DMXL2: variants seen among roughly 807,000 people sequenced by gnomAD.
DMXL2 encodes the protein Dmx like 2.
In DMXL2, 103 loss-of-function variants were observed where a neutral mutation model predicts 331.1. The observed-to-expected ratio is 0.31, with a 90% CI of 0.27 to 0.37. DMXL2 has a LOEUF of 0.37. DMXL2 is among the 10% of genes least tolerant of loss of function. The probability of loss-of-function intolerance (pLI) is 1.00; values close to 1 mark genes in which losing one functional copy is unlikely to be tolerated. For synonymous variants in DMXL2, 1,281 were observed against 1,252.1 expected (o/e 1.02, Z -0.49); for missense variants, 3,171 against 3,642.9 (o/e 0.87, Z 3.33).
rs764572727 is a variant in DMXL2, at chr15:51,471,216, T to C, written c.7392+7A>G. 6.2e-7 allele frequency: 1 copy of C among 1,612,902 alleles called. No homozygotes were observed. Among genetic ancestry groups the C allele is most frequent in the Non-Finnish European group, 8.5e-7 (1 of 1,179,182 alleles). ...CTCTTAAAGCTTGCATTCCTCACACTCCTTACCTTTGCAACAAAATAATCC... is the reference window on the plus strand; with the variant it reads ...CTCTTAAAGCTTGCATTCCTCACACCCCTTACCTTTGCAACAAAATAATCC... On this transcript the variant is annotated splice_region_variant and intron_variant, in intron 29 of 43. Transcript: ENST00000560891.
chr15:51,510,693 T>G (rs760834829), intron 15 of DMXL2, among the ~76,000 whole-genome samples: 2 of 151,966 alleles, frequency 1.3e-5, no homozygotes, highest in Non-Finnish European at 2.9e-5. Flanking sequence ...AAAAAAACAC[T>G]TTAAATTTCA....
Position 51,571,109 on chromosome 15 carries a change from A to C in DMXL2, c.214-2551T>G, listed in dbSNP as rs574960760. Among the ~76,000 whole-genome samples the C allele has an allele frequency of 2.6e-5, 4 of 152,342 alleles. No homozygotes were observed. The East Asian group carries it at 7.7e-4, about 29-fold the overall frequency. On this transcript the variant is annotated intron_variant, in intron 2 of 43. Transcript: ENST00000560891. ...GAGGAAGATTTACCAAGAAAATGGA[A>C]AGCAAAAAAAAGCAGGGGTTGCAAT... is the stretch of plus-strand genomic sequence containing the variant.
chr15:51,484,622 T>C (rs1363678358), intron 23 of DMXL2, among the ~76,000 whole-genome samples: 1 of 151,900 alleles, frequency 6.6e-6, no homozygotes, highest in African/African-American at 2.4e-5. Flanking sequence ...GCCAGATACA[T>C]AGAAATCAAT....
At chr15:51,616,827 C>G (rs1232705396) in intron 1 of DMXL2, among the ~76,000 whole-genome samples, 1 of 151,594 alleles carries the variant, frequency 6.6e-6, no homozygotes, top group African/African-American at 2.4e-5. Flanking sequence ...ATTCCAGCTA[C>G]TCAGGAGGCT....
chr15:51,573,989 T>C (rs945057565), intron 2 of DMXL2, among the ~76,000 whole-genome samples: 1 of 151,972 alleles, frequency 6.6e-6, no homozygotes, highest in Non-Finnish European at 1.5e-5. Context: ...ATAAAATCTA[T>C]GAGAAAAGCA....
chr15:51,620,856 T>C (rs900480885), intron 1 of DMXL2, among the ~76,000 whole-genome samples: 1 of 152,166 alleles, frequency 6.6e-6, no homozygotes, highest in African/African-American at 2.4e-5. Flanking sequence ...GCACTAACAG[T>C]TCTTACACAG....
At position 51,536,673 on chromosome 15, in the gene DMXL2, T is replaced by C. The variant is rs374643669; in HGVS notation, c.1807A>G (p.Met603Val). Residue 603 changes from methionine to valine, a missense_variant, in exon 12 of 44, where the codon ATG (methionine) becomes GTG (valine). Met to Val is a conservative substitution (Grantham distance 21, BLOSUM62 1). Transcript: ENST00000560891. Reference sequence around the variant, plus strand: ...ATTACTGTGGGAGCTAAGATGTTCATATGTGTACTGTGGGATCTAGAGTGT... The same window carrying C: ...ATTACTGTGGGAGCTAAGATGTTCACATGTGTACTGTGGGATCTAGAGTGT... ...QPHSRSHSTH[M>V]NILAPTVMMI... 16 of 1,614,012 alleles carry C rather than the reference T, an allele frequency of 9.9e-6. No individual in the cohort carries two copies. The highest frequency in any genetic ancestry group is 1.3e-5 in the Non-Finnish European group (15 of 1,180,004).
At chr15:51,601,222 C>T (rs1431851548) in intron 1 of DMXL2, among the ~76,000 whole-genome samples, 2 of 140,466 alleles carry the variant, frequency 1.4e-5, no homozygotes, top group African/African-American at 2.6e-5. Context: ...ACCTGGGAGG[C>T]GGAGCTTGCA....
intron 17 of DMXL2, among the ~76,000 whole-genome samples, chr15:51,501,647 C>T (rs1000290883): frequency 9.2e-5 from 14 of 152,294 alleles, no homozygotes; most frequent in Admixed American, 6.5e-4. Flanking sequence ...ATTGGCTGGG[C>T]GCGGTGGCTC....
chr15:51,451,737 AT>A, intron 41 of DMXL2, 40 bp from the exon 42 acceptor site: 1 of 1,547,136 alleles, frequency 6.5e-7, no homozygotes, highest in Non-Finnish European at 8.9e-7. Flanking sequence ...ATCATAAATG[AT>A]TGTTATAAGT....
At chr15:51,595,401 A>C (rs2141271975) in intron 1 of DMXL2, among the ~76,000 whole-genome samples, 1 of 152,310 alleles carries the variant, frequency 6.6e-6, no homozygotes, top group Non-Finnish European at 1.5e-5. Context: ...ACTACAAACC[A>C]CTGCTCAATG....
chr15:51,562,015 TAC>T (rs1458622796), intron 6 of DMXL2, among the ~76,000 whole-genome samples: 1 of 152,180 alleles, frequency 6.6e-6, no homozygotes, highest in African/African-American at 2.4e-5. Context: ...TTGGTACAAA[TAC>T]ACAGTTAGAT....
intron 6 of DMXL2, among the ~76,000 whole-genome samples, chr15:51,550,233 T>C (rs2049131686): frequency 6.6e-6 from 1 of 152,248 alleles, no homozygotes; most frequent in African/African-American, 2.4e-5. Context: ...CATCCCTTTA[T>C]AATTAAAACC....
intron 23 of DMXL2, among the ~76,000 whole-genome samples, chr15:51,482,935 T>C (rs930110565): frequency 1.3e-5 from 2 of 152,244 alleles, no homozygotes; most frequent in South Asian, 2.1e-4. Context: ...GGAGTGGAGA[T>C]GCACCTGTGG....
rs2041935650 is a variant in DMXL2, at chr15:51,480,536, T to G, written c.6564+6A>C. The G allele has an allele frequency of 6.7e-7, 1 of 1,493,540 alleles. No individual in the cohort carries two copies. 92.5% of individuals were successfully genotyped at this position (1,493,540 alleles called of 1,614,324 possible). On this transcript the variant is annotated splice_donor_region_variant and intron_variant, in intron 24 of 43. Transcript: ENST00000560891. ...ACCAAGATTGAAAAAAAAGTGATAT[T>G]CACACCTGTTGTGATTCTTGTAGCA...
chr15:51,462,344 A>AT (rs973031485), intron 33 of DMXL2, among the ~76,000 whole-genome samples: 24 of 151,756 alleles, frequency 1.6e-4, no homozygotes, highest in Non-Finnish European at 7.4e-5. Context: ...CCAAATCTTT[A>AT]TTTTTTTTGA....
intron 4 of DMXL2, among the ~76,000 whole-genome samples, chr15:51,564,781 T>G (rs939366219): frequency 1.3e-5 from 2 of 152,118 alleles, no homozygotes; most frequent in Non-Finnish European, 1.5e-5. Context: ...GTTTTTTTGG[T>G]CTCTGTTTTA....
chr15:51,486,410 C>A (rs2042398138), intron 22 of DMXL2, 73 bp from the exon 23 acceptor site: 5 of 1,155,574 alleles, frequency 4.3e-6, no homozygotes, highest in Non-Finnish European at 6.1e-6. Context: ...CCCATCAATA[C>A]CCTGAAATTA....
At chr15:51,579,655 T>G (rs1418803701) in intron 1 of DMXL2, among the ~76,000 whole-genome samples, 1 of 152,186 alleles carries the variant, frequency 6.6e-6, no homozygotes, top group East Asian at 1.9e-4. Flanking sequence ...CCTAGAAACT[T>G]AGTCAAAGAA....
Sources: allele counts gnomAD v4.1 joint callset (sites outside exome capture counted in the v4.1 genomes callset), GRCh38; gene constraint gnomAD v4.1.1; transcripts MANE v1.5; gene names NCBI Gene and HGNC (gene_info 2026-07-23, HGNC 2026-07-21).